The following RSF1 variants were observed in gnomAD, a reference collection of about 807,000 sequenced individuals.
The protein encoded by RSF1 is HBV pX-associated protein 8.
In RSF1, 13 loss-of-function variants were observed where a neutral mutation model predicts 145.2. That is an observed-to-expected ratio of 0.09 (90% CI 0.06 to 0.14). RSF1 has a LOEUF of 0.14. Among genes scored for constraint, RSF1 ranks in the 10% least tolerant of loss-of-function variants. The probability of loss-of-function intolerance (pLI) is 1.00; values close to 1 mark genes in which losing one functional copy is unlikely to be tolerated. For synonymous variants in RSF1, 577 were observed against 592.6 expected (o/e 0.97, Z 0.38); for missense variants, 1,517 against 1,718.2 (o/e 0.88, Z 2.07).
At chr11:77,860,050 T>C in the RSF1 span, among the ~76,000 whole-genome samples, 207 of 152,300 alleles carry the variant, frequency 1.4e-3, 1 homozygote, top group African/African-American at 3.3e-3. Flanking sequence ...ACTACATCAG[T>C]TTTCTTACTC....
intron 4 of RSF1, among the ~76,000 whole-genome samples, chr11:77,730,837 G>A (rs959431862): frequency 1.3e-5 from 2 of 152,136 alleles, no homozygotes; most frequent in African/African-American, 2.4e-5. Context: ...CTTGCCTTCT[G>A]CCATGATTTT....
At position 77,817,290 on chromosome 11, in the gene RSF1, C is replaced by T. The variant is rs144266921; in HGVS notation, c.187+3238G>A. On this transcript the variant is annotated intron_variant, in intron 1 of 15. Transcript: ENST00000308488. Reference sequence around the variant, plus strand: ...ATAATTACTTGTGAAATGTGTATTACTGTTGGGCACTGCACAACTTTTCAA... The same window carrying T: ...ATAATTACTTGTGAAATGTGTATTATTGTTGGGCACTGCACAACTTTTCAA... Among the ~76,000 whole-genome samples the T allele has an allele frequency of 1.8e-3, 273 of 152,342 alleles. 1 individual carries two copies. The highest frequency in any genetic ancestry group is 5.6e-3 in the South Asian group (27 of 4,830).
intron 2 of RSF1, chr11:77,762,021 T>TCTTTG: frequency 1.5e-5 from 1 of 67,190 alleles, no homozygotes; most frequent in East Asian, 2.9e-4. Context: ...TATTTTCTTT[T>TCTTTG]CTTTTCTTTT....
Position 77,701,783 on chromosome 11 carries a change from C to A in RSF1, c.1446G>T (p.Thr482=). The change falls in exon 6 of 16, where the codon ACG becomes ACT. Residue 482 remains threonine (T), a synonymous_variant. Coordinates refer to ENST00000308488, the MANE Select transcript of RSF1 (RefSeq NM_016578.4). ...TTAAGGACTCTGTTCCATTTCCCTC[C>A]GTGATGATATTTCTGTCCTTAGAGG... ...YSPSKDRNII[T]EGNGTESLNS... 6.2e-7 allele frequency: 1 copy of A among 1,613,898 alleles called. No individual in the cohort carries two copies. Among genetic ancestry groups the A allele is most frequent in the African/African-American group, 1.3e-5 (1 of 75,046 alleles).
At chr11:77,746,778 A>C (rs953583045) in intron 3 of RSF1, among the ~76,000 whole-genome samples, 2 of 152,188 alleles carry the variant, frequency 1.3e-5, no homozygotes, top group Non-Finnish European at 2.9e-5. Context: ...GAAGGCTGAA[A>C]ACAATGAATA....
the RSF1 span, chr11:77,868,799 C>T: frequency 8.5e-6 from 2 of 233,994 alleles, no homozygotes; most frequent in East Asian, 1.1e-4. Context: ...CTGGGTGTAG[C>T]AGGCTGGCGC....
intron 15 of RSF1, among the ~76,000 whole-genome samples, chr11:77,671,720 C>T (rs982412513): frequency 5.3e-5 from 8 of 151,234 alleles, no homozygotes; most frequent in Non-Finnish European, 1.0e-4. Context: ...CTGCAATCTC[C>T]GCCTCCCAGG....
intron 3 of RSF1, among the ~76,000 whole-genome samples, chr11:77,742,756 C>T (rs1245117164): frequency 2.0e-5 from 3 of 152,150 alleles, no homozygotes; most frequent in Non-Finnish European, 4.4e-5. Context: ...TTTCCTACGT[C>T]TTTTTCTGAG....
At chr11:77,747,357 C>T (rs561505838) in intron 2 of RSF1, among the ~76,000 whole-genome samples, 50 of 152,290 alleles carry the variant, frequency 3.3e-4, no homozygotes, top group African/African-American at 8.9e-4. Context: ...TAGCTCTCTC[C>T]TCTGCTATCA....
rs1356377077 is a variant in RSF1, at chr11:77,666,719, G to A, written c.*198C>T. ...TGAACCTGGAAAAAGAAAATCAAAA[G>A]GAATTTACAGCAATTATTTATCTTC... On this transcript the variant is annotated 3_prime_UTR_variant, in exon 16 of 16. Transcript: ENST00000308488. The A allele has an allele frequency of 2.7e-5, 11 of 404,196 alleles. No homozygotes were observed. The highest frequency in any genetic ancestry group is 4.3e-5 in the Non-Finnish European group (10 of 230,274). The allele number at this position is 404,196 out of a possible 1,614,324, so 25.0% of individuals were successfully genotyped here. A position where few individuals can be genotyped will look rare whatever the true frequency, so the allele number is the denominator to read the frequency against.
At chr11:77,814,454 G>T (rs1182046131) in intron 1 of RSF1, among the ~76,000 whole-genome samples, 1 of 151,980 alleles carries the variant, frequency 6.6e-6, no homozygotes, top group Non-Finnish European at 1.5e-5. Flanking sequence ...AACTCTGGGG[G>T]GGAAAAAAAA....
the RSF1 span, among the ~76,000 whole-genome samples, chr11:77,857,487 G>T: frequency 6.6e-6 from 1 of 152,110 alleles, no homozygotes; most frequent in East Asian, 1.9e-4. Context: ...TTTGTAGGAA[G>T]CTCTAAAGTC....
intron 7 of RSF1, among the ~76,000 whole-genome samples, chr11:77,695,725 A>G (rs1960263237): frequency 6.6e-6 from 1 of 152,152 alleles, no homozygotes; most frequent in Non-Finnish European, 1.5e-5. Flanking sequence ...TTAGAAACCA[A>G]GATCTGGATG....
intron 7 of RSF1, among the ~76,000 whole-genome samples, chr11:77,694,918 A>C (rs1270557408): frequency 6.6e-6 from 1 of 152,148 alleles, no homozygotes; most frequent in Non-Finnish European, 1.5e-5. Context: ...ATGTTTACTC[A>C]TGATTAGACT....
At chr11:77,737,889 G>T (rs1045070706) in intron 4 of RSF1, among the ~76,000 whole-genome samples, 3 of 152,188 alleles carry the variant, frequency 2.0e-5, no homozygotes, top group Non-Finnish European at 4.4e-5. Flanking sequence ...CAGCACTTTG[G>T]GAGGCTGAGG....
At chr11:77,863,269 A>T in the RSF1 span, among the ~76,000 whole-genome samples, 5 of 152,138 alleles carry the variant, frequency 3.3e-5, no homozygotes, top group Admixed American at 2.6e-4. Flanking sequence ...GGGAGCGGCA[A>T]TGGGCGCTCA....
At chr11:77,869,926 C>A in the RSF1 span, 1 of 1,030,244 alleles carries the variant, frequency 9.7e-7, no homozygotes, top group Non-Finnish European at 1.5e-6. Flanking sequence ...CATGTACCCT[C>A]ATTTTGCTGA....
intron 13 of RSF1, among the ~76,000 whole-genome samples, chr11:77,676,084 A>G (rs988338996): frequency 3.3e-5 from 5 of 152,178 alleles, no homozygotes; most frequent in Non-Finnish European, 7.3e-5. Context: ...TGTCTTGGAC[A>G]TGTGACTTCT....
the RSF1 span, among the ~76,000 whole-genome samples, chr11:77,859,809 CTGGGT>C: frequency 8.5e-5 from 13 of 152,170 alleles, no homozygotes; most frequent in Admixed American, 8.5e-4. Context: ...AGAAATGTGG[CTGGGT>C]TAAGAGTTGC....
Sources: allele counts gnomAD v4.1 joint callset (sites outside exome capture counted in the v4.1 genomes callset), GRCh38; gene constraint gnomAD v4.1.1; transcripts MANE v1.5; gene names NCBI Gene and HGNC (gene_info 2026-07-23, HGNC 2026-07-21).